The following FAM83G variants were observed in gnomAD, a reference collection of about 807,000 sequenced individuals.
FAM83G encodes the protein scaffolding CK1 anchoring protein G.
A neutral mutation model predicts 61.5 loss-of-function variants in FAM83G; 38 were observed. The ratio of observed to expected loss-of-function variants is 0.62; its 90% CI spans 0.48 to 0.81. The LOEUF (loss-of-function observed/expected upper bound fraction) is 0.81. Among genes scored for constraint, FAM83G ranks in the 30% least tolerant of loss-of-function variants. The pLI is 0.00. For missense variants in FAM83G, 989 were observed against 1,133.6 expected (o/e 0.87, Z 1.83); for synonymous variants, 470 against 476.1 (o/e 0.99, Z 0.17).
rs117993660 is a variant in FAM83G at position 18,986,917 on chromosome 17, C to T, written c.690+1330G>A. On this transcript the variant is annotated intron_variant, in intron 3 of 5. Transcript: ENST00000388995. ...GGCATGAGCTATCTGCCACTGGAAT[C>T]GATTCCCAGCACTAATTACGCGGCG... Among the ~76,000 whole-genome samples the T allele has an allele frequency of 5.7e-3, 872 of 152,332 alleles. 3 individuals are homozygous for T. The highest frequency in any genetic ancestry group is 9.3e-3 in the Non-Finnish European group (635 of 68,036).
intron 2 of FAM83G, among the ~76,000 whole-genome samples, chr17:18,994,686 GT>G (rs2043520562): frequency 6.6e-6 from 1 of 152,138 alleles, no homozygotes; most frequent in African/African-American, 2.4e-5. Flanking sequence ...CCTGCAGGGG[GT>G]GTCCTCAGAA....
In FAM83G at chr17:18,970,600, A is replaced by T; in HGVS notation, c.*759T>A. ...CTAAAATCACACCCTTCAGGTGATC[A>T]GGATGAACACTTTAGAAGCCTCAGG... On this transcript the variant is annotated 3_prime_UTR_variant, in exon 6 of 6. Coordinates refer to ENST00000388995, the MANE Select transcript of FAM83G (RefSeq NM_001039999.3). The T allele has an allele frequency of 4.4e-6, 1 of 227,622 alleles. No homozygotes were observed. The highest frequency in any genetic ancestry group is 8.8e-6 in the Non-Finnish European group (1 of 113,818). 14.1% of individuals were successfully genotyped at this position (227,622 alleles called of 1,614,324 possible).
intron 3 of FAM83G, among the ~76,000 whole-genome samples, chr17:18,987,416 G>A (rs1287603509): frequency 6.6e-6 from 1 of 152,218 alleles, no homozygotes; most frequent in African/African-American, 2.4e-5. Flanking sequence ...AGTATTCGCC[G>A]TCATCACGCA....
Position 18,971,108 on chromosome 17 carries a change from C to T in FAM83G, c.*251G>A, listed in dbSNP as rs2042830678. 3.7e-6 allele frequency: 6 copies of T among 1,614,004 alleles called. No individual in the cohort carries two copies. The highest frequency in any genetic ancestry group is 1.3e-5 in the African/African-American group (1 of 74,938). On this transcript the variant is annotated 3_prime_UTR_variant, in exon 6 of 6. Transcript: ENST00000388995. The surrounding 1 kb of genome is among the most constrained non-coding windows in gnomAD (Gnocchi z 5.5). ...TGCCAACACCACCTGCCACCTGCCA[C>T]GTACAGACGCCATGCACATGTTTCG...
Position 19,003,605 on chromosome 17 carries a change from CG to C in FAM83G, c.436del (p.Arg146GlyfsTer10). 6.2e-7 allele frequency: 1 copy of C among 1,611,166 alleles called. No homozygotes were observed. Among genetic ancestry groups the C allele is most frequent in the Non-Finnish European group, 8.5e-7 (1 of 1,178,896 alleles). On this transcript the variant is annotated frameshift_variant, in exon 2 of 6. Coordinates refer to ENST00000388995, the MANE Select transcript of FAM83G (RefSeq NM_001039999.3). LOFTEE classifies it high-confidence loss of function. The surrounding 1 kb of genome is among the most constrained non-coding windows in gnomAD (Gnocchi z 4.5). ...PDTIAYRGVT[R>X]ASVYMQPPID... ...GGGGGGCTGCATGTAGACGCTAGCC[CG>C]GGTCACGCCGCGGTAGGCGATGGTG...
rs748309718 is a variant in FAM83G at position 18,971,438 on chromosome 17, G to A, written c.2393C>T (p.Ala798Val). Residue 798 changes from alanine (A) to valine (V), a missense_variant, in exon 6 of 6, where the codon GCC becomes GTC. By Grantham distance (64) the Ala-to-Val change is moderately conservative. Around this residue, in one of 3 missense-constraint regions of FAM83G, gnomAD observed 574 missense variants for 645.1 expected, o/e 0.89. Coordinates refer to ENST00000388995, the MANE Select transcript of FAM83G (RefSeq NM_001039999.3). The surrounding 1 kb of genome is among the most constrained non-coding windows in gnomAD (Gnocchi z 5.5). ...SKLSQSKHLK[A>V]RTGGSQWASS... Reference sequence around the variant, plus strand: ...GGCCCACTGGCTACCGCCCGTCCTGGCCTTTAGGTGCTTCGACTGAGACAG... The same window carrying A: ...GGCCCACTGGCTACCGCCCGTCCTGACCTTTAGGTGCTTCGACTGAGACAG... 12 of 1,613,746 alleles carry A rather than the reference G, an allele frequency of 7.4e-6. No individual in the cohort carries two copies. The highest frequency in any genetic ancestry group is 1.3e-5 in the African/African-American group (1 of 74,942).
chr17:18,971,775 G>A lies in FAM83G; in HGVS notation c.2083-27C>T. On this transcript the variant is annotated intron_variant, in intron 5 of 5. Coordinates refer to ENST00000388995, the MANE Select transcript of FAM83G (RefSeq NM_001039999.3). The surrounding 1 kb of genome is among the most constrained non-coding windows in gnomAD (Gnocchi z 5.5). ...TGGGAGAGAGAGAGCAGAGAGTGAG[G>A]CTGAGCAAGAAGGGCCAACCCCGCC... is the stretch of plus-strand genomic sequence containing the variant. The A allele has an allele frequency of 3.9e-6, 6 of 1,531,660 alleles. No homozygotes were observed. Among genetic ancestry groups the A allele is most frequent in the Non-Finnish European group, 5.3e-6 (6 of 1,138,826 alleles). The allele number at this position is 1,531,660 out of a possible 1,614,324, so 94.9% of individuals were successfully genotyped here.
At chr17:18,999,844 T>A (rs1426655628) in intron 2 of FAM83G, among the ~76,000 whole-genome samples, 1 of 152,234 alleles carries the variant, frequency 6.6e-6, no homozygotes, top group East Asian at 1.9e-4. Context: ...GCCCTCAGTT[T>A]CCTCAACTGT....
At position 18,978,785 on chromosome 17, in the gene FAM83G, T is replaced by C. The variant is rs1360802093; in HGVS notation, c.881A>G (p.Glu294Gly). 1 of 1,612,776 alleles carries C rather than the reference T, an allele frequency of 6.2e-7. No individual in the cohort carries two copies. Among genetic ancestry groups the C allele is most frequent in the Non-Finnish European group, 8.5e-7 (1 of 1,179,988 alleles). ...VISVLSGQVVEMFDRQFQELY... is the reference protein window; with the variant it reads ...VISVLSGQVVGMFDRQFQELY... ...CTCCTGGAACTGCCGGTCAAACATC[T>C]CCACCACCTGGCCAGACAGCACAGA... Residue 294 changes from glutamate (E) to glycine (G), a missense_variant, in exon 5 of 6, where the codon GAG (glutamate) becomes GGG (glycine). This residue lies in a region of FAM83G where 44 missense variants were observed against 83.9 expected (regional missense o/e 0.52). Transcript: ENST00000388995.
At position 18,977,649 on chromosome 17, in the gene FAM83G, CCCGACT is replaced by C. The variant is rs2043013069; in HGVS notation, c.2011_2016del (p.Ser671_Arg672del). On this transcript the variant is annotated inframe_deletion, in exon 5 of 6. Coordinates refer to ENST00000388995, the MANE Select transcript of FAM83G (RefSeq NM_001039999.3). ...TTCAACGCATCTGCTTCTTCTCTTC[CCCGACT>C]CTGGGCCCATGGGGAGCCACCCTGG... 2.5e-6 allele frequency: 4 copies of C among 1,609,978 alleles called. No individual in the cohort carries two copies. The highest frequency in any genetic ancestry group is 1.6e-4 in the Middle Eastern group (1 of 6,062).
At chr17:18,998,171 G>C (rs113772019) in intron 2 of FAM83G, among the ~76,000 whole-genome samples, 30 of 152,374 alleles carry the variant, frequency 2.0e-4, no homozygotes, top group African/African-American at 7.2e-4. Flanking sequence ...GGCCTGCCAG[G>C]CTGGGGCCAA....
rs1456616413 is a variant in FAM83G, at chr17:18,971,983, G to A, written c.2083-235C>T. On this transcript the variant is annotated intron_variant, in intron 5 of 5. Transcript: ENST00000388995. The surrounding 1 kb of genome is among the most constrained non-coding windows in gnomAD (Gnocchi z 5.5). ...GGTGTAGCAAGGCAGCTTCCTCCCA[G>A]CTCACCCCCGCAGCCTCCTCTATTC... is the stretch of plus-strand genomic sequence containing the variant. Among the ~76,000 whole-genome samples the A allele has an allele frequency of 6.6e-6, 1 of 152,204 alleles. No individual in the cohort carries two copies. The highest frequency in any genetic ancestry group is 2.4e-5 in the African/African-American group (1 of 41,456).
chr17:18,969,795 A>C lies in FAM83G; in HGVS notation c.*1564T>G, dbSNP rs538149485. ...ATAAAACTGCCTGGGCAGCTCCTCC[A>C]ATTGTTTAAAAGCATGTACAAAATG... is the stretch of plus-strand genomic sequence containing the variant. On this transcript the variant is annotated 3_prime_UTR_variant, in exon 6 of 6. Coordinates refer to ENST00000388995, the MANE Select transcript of FAM83G (RefSeq NM_001039999.3). 4 of 225,490 alleles carry C rather than the reference A, an allele frequency of 1.8e-5. No homozygotes were observed. Among genetic ancestry groups the C allele is most frequent in the Non-Finnish European group, 3.5e-5 (4 of 115,142 alleles). 14.0% of individuals were successfully genotyped at this position (225,490 alleles called of 1,614,324 possible).
At chr17:19,005,937 G>A (rs1489604908), upstream of FAM83G, among the ~76,000 whole-genome samples, 1 of 152,210 alleles carries the variant, frequency 6.6e-6, no homozygotes, top group Non-Finnish European at 1.5e-5. Context: ...TGAGGGTCCT[G>A]AAGACCCATT....
chr17:18,995,504 A>G (rs1356540834), intron 2 of FAM83G, among the ~76,000 whole-genome samples: 1 of 152,216 alleles, frequency 6.6e-6, no homozygotes, highest in Non-Finnish European at 1.5e-5. Flanking sequence ...GCCATCCAAT[A>G]TATGTGTAAT....
chr17:18,974,612 C>T (rs1479910489), intron 5 of FAM83G, among the ~76,000 whole-genome samples: 1 of 152,216 alleles, frequency 6.6e-6, no homozygotes, highest in Non-Finnish European at 1.5e-5. Flanking sequence ...CCACAGCTTT[C>T]GTGGGCAGCG....
chr17:18,980,392 T>A (rs2043100799), intron 3 of FAM83G, among the ~76,000 whole-genome samples: 1 of 152,070 alleles, frequency 6.6e-6, no homozygotes, highest in African/African-American at 2.4e-5. Flanking sequence ...CCTCAGAGAC[T>A]GTGGCCAAGG....
chr17:18,988,173 T>C (rs1391877322), intron 3 of FAM83G, 74 bp downstream of exon 3: 11 of 1,559,980 alleles, frequency 7.1e-6, no homozygotes, highest in Non-Finnish European at 9.6e-6. Context: ...AGCAGGCAGG[T>C]ACTCGAAGTG....
intron 3 of FAM83G, among the ~76,000 whole-genome samples, chr17:18,981,879 G>C (rs1010335690): frequency 6.6e-6 from 1 of 152,182 alleles, no homozygotes; most frequent in Non-Finnish European, 1.5e-5. Context: ...GAGCACGCTC[G>C]GGGTTGAGAA....
Sources: allele counts gnomAD v4.1 joint callset (sites outside exome capture counted in the v4.1 genomes callset), GRCh38; gene constraint gnomAD v4.1.1; regional missense constraint gnomAD v4.1.1; non-coding constraint Gnocchi (gnomAD v3.1); transcripts MANE v1.5; gene names NCBI Gene and HGNC (gene_info 2026-07-23, HGNC 2026-07-21).